The following CSGALNACT1 variants were observed in gnomAD, a reference collection of about 807,000 sequenced individuals.
The protein encoded by CSGALNACT1 is chondroitin sulfate N-acetylgalactosaminyltransferase 1, also known as beta4GalNAcT-1.
Under a neutral mutation model 51.0 loss-of-function variants are expected in CSGALNACT1, and 52 were observed. That is an observed-to-expected ratio of 1.02 (90% CI 0.82 to 1.29). The LOEUF is 1.29. CSGALNACT1 is among the 50% of genes most tolerant of loss of function. The pLI is 0.00. For synonymous variants in CSGALNACT1, 341 were observed against 254.4 expected (o/e 1.34, Z -3.24); for missense variants, 935 against 679.2 (o/e 1.38, Z -4.19).
At chr8:19,520,705 A>G (rs1316590025) in intron 3 of CSGALNACT1, among the ~76,000 whole-genome samples, 1 of 152,202 alleles carries the variant, frequency 6.6e-6, no homozygotes, top group East Asian at 1.9e-4. Flanking sequence ...CAGTCTTAAA[A>G]CTTTCCATTC....
chr8:19,459,382 CAAAAAAAAAAAA>C (rs377411028), intron 4 of CSGALNACT1, among the ~76,000 whole-genome samples: 90 of 69,180 alleles, frequency 1.3e-3, no homozygotes, highest in African/African-American at 3.2e-3. Context: ...AACTTTATCT[CAAAAAAAAAAAA>C]AAAAAAAAAA....
intron 4 of CSGALNACT1, among the ~76,000 whole-genome samples, chr8:19,491,996 A>AAT (rs1476256532): frequency 1.9e-4 from 29 of 152,344 alleles, no homozygotes; most frequent in Admixed American, 1.7e-3. Flanking sequence ...ACTCTGTGCT[A>AAT]TTAATAAGCT....
chr8:19,437,579 C>A (rs1002817847), intron 6 of CSGALNACT1, among the ~76,000 whole-genome samples: 3 of 150,880 alleles, frequency 2.0e-5, no homozygotes, highest in African/African-American at 7.3e-5. Flanking sequence ...ACAGATATCA[C>A]TGGTTAACAG....
intron 5 of CSGALNACT1, among the ~76,000 whole-genome samples, chr8:19,440,927 GACAA>G (rs1458891681): frequency 2.1e-4 from 32 of 152,048 alleles, no homozygotes; most frequent in Non-Finnish European, 4.1e-4. Context: ...ACCAATAACA[GACAA>G]ACAGAGAGCC....
At chr8:19,519,411 T>C (rs2080195257) in intron 3 of CSGALNACT1, among the ~76,000 whole-genome samples, 1 of 152,100 alleles carries the variant, frequency 6.6e-6, no homozygotes, top group African/African-American at 2.4e-5. Context: ...CAGCCTTACG[T>C]TGCAAAAAGT....
At chr8:19,410,392 G>A (rs1247035812) in intron 8 of CSGALNACT1, among the ~76,000 whole-genome samples, 8 of 152,312 alleles carry the variant, frequency 5.3e-5, no homozygotes, top group Non-Finnish European at 8.8e-5. Context: ...GCCTTACCAG[G>A]TACATGGTTT....
chr8:19,460,048 A>G (rs1206641382), intron 4 of CSGALNACT1, among the ~76,000 whole-genome samples: 1 of 152,158 alleles, frequency 6.6e-6, no homozygotes, highest in East Asian at 1.9e-4. Flanking sequence ...CTAAAGATCC[A>G]TTTCCTTCCA....
intron 5 of CSGALNACT1, among the ~76,000 whole-genome samples, chr8:19,443,024 G>T (rs1330119174): frequency 6.6e-6 from 1 of 152,132 alleles, no homozygotes; most frequent in African/African-American, 2.4e-5. Flanking sequence ...AACGATCCCA[G>T]GCACCGAGCA....
At position 19,429,101 on chromosome 8, in the gene CSGALNACT1, T is replaced by C. The variant is rs373049796; in HGVS notation, c.954-8583A>G. ...CCCCAGCCCCTGGCAACTCTTAATC[T>C]ACTTTCTGTCTTCATGGATTTATGT... On this transcript the variant is annotated intron_variant, in intron 6 of 9. Coordinates refer to ENST00000454498, the Ensembl canonical transcript of CSGALNACT1. Among the ~76,000 whole-genome samples the C allele has an allele frequency of 6.9e-4, 105 of 152,284 alleles. 5 individuals carry two copies. In the South Asian group the frequency reaches 0.022, roughly 31 times the overall value.
chr8:19,406,025 G>C lies in CSGALNACT1; in HGVS notation c.1354C>G (p.His452Asp), dbSNP rs1387283423. ...CTGTGGAGATACTTGCGATAAAGGTGCACATCCTCTCCGCCCCAGCCTTTG... is the reference window on the plus strand; with the variant it reads ...CTGTGGAGATACTTGCGATAAAGGTCCACATCCTCTCCGCCCCAGCCTTTG... The change falls in exon 10 of 10, where the codon CAC (histidine) becomes GAC (aspartate). Residue 452 changes from histidine to aspartate, a missense_variant. Transcript: ENST00000454498. 1.2e-6 allele frequency: 2 copies of C among 1,614,072 alleles called. No homozygotes were observed. Among genetic ancestry groups the C allele is most frequent in the African/African-American group, 1.3e-5 (1 of 74,916 alleles).
intron 1 of CSGALNACT1, among the ~76,000 whole-genome samples, chr8:19,610,714 G>A (rs138555670): frequency 6.6e-6 from 1 of 152,302 alleles, no homozygotes; most frequent in Non-Finnish European, 1.5e-5. Context: ...TCTGACTTTC[G>A]CTGAGCTACT....
intron 3 of CSGALNACT1, among the ~76,000 whole-genome samples, chr8:19,537,476 T>C (rs1386499933): frequency 1.3e-5 from 2 of 152,232 alleles, no homozygotes; most frequent in Non-Finnish European, 2.9e-5. Flanking sequence ...TAAATATTCA[T>C]GACTTATTAT....
chr8:19,419,369 C>T lies in CSGALNACT1; in HGVS notation c.1133-619G>A, dbSNP rs2057502309. Among the ~76,000 whole-genome samples the T allele has an allele frequency of 2.0e-5, 3 of 152,198 alleles. No individual in the cohort carries two copies. In the South Asian group the frequency reaches 6.2e-4, roughly 32 times the overall value. On this transcript the variant is annotated intron_variant, in intron 7 of 9. Coordinates refer to ENST00000454498, the Ensembl canonical transcript of CSGALNACT1. ...AGCCCCGCCAAACATTAACCCTTTA[C>T]TTGCTGGCTCATGGGATCATCTTAA...
chr8:19,684,695 G>C (rs1371960814), upstream of CSGALNACT1, among the ~76,000 whole-genome samples: 1 of 152,114 alleles, frequency 6.6e-6, no homozygotes, highest in Non-Finnish European at 1.5e-5. Flanking sequence ...CCCTGGGAGT[G>C]CATGGAGTTC....
At chr8:19,420,625 T>A in intron 6 of CSGALNACT1, 107 bp from the exon 6 acceptor site, 1 of 1,199,100 alleles carries the variant, frequency 8.3e-7, no homozygotes, top group Non-Finnish European at 1.2e-6. Flanking sequence ...ATTTCTTTTG[T>A]AACCTGAGGG....
chr8:19,599,501 AAAGAAAGAAAGAAAGAAAG>A (rs1480425835), intron 2 of CSGALNACT1, among the ~76,000 whole-genome samples: 6 of 149,860 alleles, frequency 4.0e-5, no homozygotes, highest in African/African-American at 1.2e-4. Flanking sequence ...AGAAAGAAAG[AAAGAAAGAAAGAAAGAAAG>A]AAAGAAAAGA....
At chr8:19,455,997 A>C (rs1448981222) in intron 5 of CSGALNACT1, among the ~76,000 whole-genome samples, 1 of 152,148 alleles carries the variant, frequency 6.6e-6, no homozygotes, top group Admixed American at 6.5e-5. Context: ...CCAAATAGTA[A>C]AAGTCCATAT....
chr8:19,445,356 G>T (rs1300534102), intron 5 of CSGALNACT1, among the ~76,000 whole-genome samples: 1 of 152,210 alleles, frequency 6.6e-6, no homozygotes, highest in Non-Finnish European at 1.5e-5. Flanking sequence ...CCTGCTAAGT[G>T]TGAAGAAAAA....
intron 3 of CSGALNACT1, among the ~76,000 whole-genome samples, chr8:19,552,011 C>T (rs541913994): frequency 1.2e-4 from 18 of 152,200 alleles, no homozygotes; most frequent in African/African-American, 4.1e-4. Flanking sequence ...CTGGATCATA[C>T]CCTGGCAAAA....
Sources: gnomAD v4.1 joint callset for allele counts (sites outside exome capture counted in the v4.1 genomes callset) on GRCh38, gnomAD v4.1.1 for gene constraint, MANE v1.5 for transcripts, NCBI Gene and HGNC (gene_info 2026-07-23, HGNC 2026-07-21) for gene names.